Variants in TAFA4 observed in about 807,000 individuals in gnomAD.
The protein encoded by TAFA4 is chemokine-like protein TAFA-4.
TAFA4 carries 20 observed loss-of-function variants against 21.1 expected under a neutral mutation model. That is an observed-to-expected ratio of 0.95 (90% CI 0.67 to 1.38). TAFA4 has a LOEUF of 1.38. Among genes scored for constraint, TAFA4 ranks in the 40% most tolerant of loss-of-function variants. The pLI is 0.00. For missense variants in TAFA4, 211 were observed against 180.9 expected (o/e 1.17, Z -0.95); for synonymous variants, 71 against 67.4 (o/e 1.05, Z -0.26).
chr3:68,901,815 C>T (rs1309968287), intron 1 of TAFA4, among the ~76,000 whole-genome samples: 2 of 152,178 alleles, frequency 1.3e-5, no homozygotes, highest in Non-Finnish European at 2.9e-5. Context: ...GAGGGCAGAT[C>T]TTGCCAACCC....
At chr3:68,883,258 C>T (rs1017250702) in intron 2 of TAFA4, among the ~76,000 whole-genome samples, 1 of 152,336 alleles carries the variant, frequency 6.6e-6, no homozygotes, top group Admixed American at 6.5e-5. Context: ...TCTGTATTCC[C>T]CGTATTCTTG....
At chr3:68,741,489 T>C (rs551449033) in intron 4 of TAFA4, among the ~76,000 whole-genome samples, 111 of 152,244 alleles carry the variant, frequency 7.3e-4, no homozygotes, top group South Asian at 2.9e-3. Flanking sequence ...AATTTATTAG[T>C]ACCTGGTATT....
intron 3 of TAFA4, among the ~76,000 whole-genome samples, chr3:68,781,530 A>T (rs1298669232): frequency 6.6e-6 from 1 of 152,100 alleles, no homozygotes; most frequent in Non-Finnish European, 1.5e-5. Flanking sequence ...ACTTATTTGA[A>T]AAATTCCTGA....
intron 3 of TAFA4, among the ~76,000 whole-genome samples, chr3:68,827,949 C>T (rs1704291845): frequency 6.6e-6 from 1 of 152,140 alleles, no homozygotes; most frequent in Non-Finnish European, 1.5e-5. Flanking sequence ...GTCATGAAGT[C>T]CTTGCCCATG....
rs1463703261 is a variant in TAFA4 at position 68,732,964 on chromosome 3, C to A, written c.*178G>T. The A allele has an allele frequency of 3.0e-6, 2 of 660,772 alleles. No individual in the cohort carries two copies. Among genetic ancestry groups the A allele is most frequent in the Non-Finnish European group, 5.0e-6 (2 of 402,998 alleles). 40.9% of individuals were successfully genotyped at this position (660,772 alleles called of 1,614,324 possible). A position where few individuals can be genotyped will look rare whatever the true frequency, so the allele number is the denominator to read the frequency against. ...TGGTTATAATTCAATGAAATAAAAT[C>A]ACGAAGCAGAGAGGGCTGGGCCAGT... is the stretch of plus-strand genomic sequence containing the variant. On this transcript the variant is annotated 3_prime_UTR_variant, in exon 6 of 6. Coordinates refer to ENST00000295569, the MANE Select transcript of TAFA4 (RefSeq NM_182522.5).
intron 3 of TAFA4, among the ~76,000 whole-genome samples, chr3:68,795,237 G>T (rs1192392023): frequency 6.6e-6 from 1 of 151,040 alleles, no homozygotes; most frequent in East Asian, 1.9e-4. Context: ...AACAGAGAGG[G>T]TACAACGCAT....
At chr3:68,801,938 G>A (rs1337022354) in intron 3 of TAFA4, among the ~76,000 whole-genome samples, 2 of 143,300 alleles carry the variant, frequency 1.4e-5, no homozygotes, top group Non-Finnish European at 3.0e-5. Context: ...CACAAAATTC[G>A]ATGTATTTTT....
chr3:68,747,623 G>A (rs375406620), intron 4 of TAFA4, among the ~76,000 whole-genome samples: 63 of 152,194 alleles, frequency 4.1e-4, no homozygotes, highest in African/African-American at 1.2e-3. Flanking sequence ...TATTAGCAGC[G>A]TGAGACTAAT....
chr3:68,863,933 T>C (rs989461246), intron 3 of TAFA4, among the ~76,000 whole-genome samples: 11 of 152,144 alleles, frequency 7.2e-5, no homozygotes, highest in African/African-American at 2.7e-4. Context: ...ATGCATTACA[T>C]GTTTTATATA....
chr3:68,810,969 C>G (rs1703822948), intron 3 of TAFA4, among the ~76,000 whole-genome samples: 1 of 152,136 alleles, frequency 6.6e-6, no homozygotes, highest in Non-Finnish European at 1.5e-5. Context: ...TCCTCTGAGA[C>G]AAAACTTCCA....
intron 5 of TAFA4, 119 bp from the exon 6 acceptor site, chr3:68,733,272 TATAACC>T: frequency 7.8e-7 from 1 of 1,280,180 alleles, no homozygotes; most frequent in Non-Finnish European, 1.1e-6. Context: ...TACATTTACC[TATAACC>T]GACCTCACCA....
At chr3:68,854,236 C>T (rs6780607) in intron 3 of TAFA4, among the ~76,000 whole-genome samples, 16,536 of 151,808 alleles carry the variant, frequency 0.11, 1,125 homozygotes, top group African/African-American at 0.19. Flanking sequence ...AGGCCTGAGA[C>T]GAGAATGTTC....
chr3:68,760,713 T>C (rs1702743134), intron 3 of TAFA4, among the ~76,000 whole-genome samples: 2 of 152,198 alleles, frequency 1.3e-5, no homozygotes, highest in Admixed American at 1.3e-4. Flanking sequence ...AGGCCACAGA[T>C]AGTGGCTTCC....
At chr3:68,743,265 C>T (rs1702390986) in intron 4 of TAFA4, among the ~76,000 whole-genome samples, 1 of 152,062 alleles carries the variant, frequency 6.6e-6, no homozygotes, top group Admixed American at 6.6e-5. Flanking sequence ...ATGTACATAG[C>T]AGGTAAAACC....
chr3:68,836,924 A>T (rs2106887329), intron 3 of TAFA4, among the ~76,000 whole-genome samples: 1 of 152,346 alleles, frequency 6.6e-6, no homozygotes, highest in African/African-American at 2.4e-5. Flanking sequence ...CATGTGGAAA[A>T]TGATTGATAA....
At chr3:68,788,409 G>C (rs1703301282) in intron 3 of TAFA4, among the ~76,000 whole-genome samples, 1 of 152,106 alleles carries the variant, frequency 6.6e-6, no homozygotes, top group African/African-American at 2.4e-5. Context: ...TTTTCGGAGA[G>C]GTCATTTCTG....
chr3:68,925,466 G>C (rs537412187), intron 1 of TAFA4, among the ~76,000 whole-genome samples: 4 of 152,076 alleles, frequency 2.6e-5, no homozygotes, highest in Non-Finnish European at 5.9e-5. Flanking sequence ...TTTTTCTTTG[G>C]ATGGCCTTAA....
At chr3:68,860,583 T>C (rs993769708) in intron 3 of TAFA4, among the ~76,000 whole-genome samples, 2 of 152,164 alleles carry the variant, frequency 1.3e-5, no homozygotes, top group Non-Finnish European at 2.9e-5. Context: ...GAATCCCTTC[T>C]ATATTTTTGT....
chr3:68,736,343 C>T (rs1305388685), intron 5 of TAFA4, among the ~76,000 whole-genome samples: 1 of 152,006 alleles, frequency 6.6e-6, no homozygotes, highest in Admixed American at 6.6e-5. Flanking sequence ...TCTAGAGACA[C>T]TGAAAACTGT....
Sources: gnomAD v4.1 joint callset for allele counts (sites outside exome capture counted in the v4.1 genomes callset) on GRCh38, gnomAD v4.1.1 for gene constraint, MANE v1.5 for transcripts, NCBI Gene and HGNC (gene_info 2026-07-23, HGNC 2026-07-21) for gene names.